The following CDH20 variants were observed in gnomAD, a reference collection of about 807,000 sequenced individuals.
CDH20 encodes cadherin-20.
In CDH20, 29 loss-of-function variants were observed where a neutral mutation model predicts 74.2. The ratio of observed to expected loss-of-function variants is 0.39; its 90% confidence interval spans 0.29 to 0.53. The LOEUF is 0.53. CDH20 is among the 20% of genes least tolerant of loss of function. The pLI is 0.69. For synonymous variants in CDH20, 469 were observed against 405.4 expected (o/e 1.16, Z -1.88); for missense variants, 988 against 1,048.3 (o/e 0.94, Z 0.79).
chr18:61,388,108 G>A (rs1911661943), intron 1 of CDH20, among the ~76,000 whole-genome samples: 1 of 152,282 alleles, frequency 6.6e-6, no homozygotes, highest in East Asian at 1.9e-4. Flanking sequence ...GAGTTCACAG[G>A]GGAAGGAGAA....
At chr18:61,500,847 C>T (rs1317787678) in intron 4 of CDH20, among the ~76,000 whole-genome samples, 3 of 152,232 alleles carry the variant, frequency 2.0e-5, no homozygotes, top group East Asian at 1.9e-4. Flanking sequence ...AGGATTGACA[C>T]ATTCACCTGG....
At chr18:61,514,405 A>AT (rs1911905886) in intron 6 of CDH20, among the ~76,000 whole-genome samples, 3 of 151,958 alleles carry the variant, frequency 2.0e-5, no homozygotes, top group Admixed American at 2.0e-4. Flanking sequence ...ATTCTTCTAA[A>AT]TTTTTTTCAA....
intron 5 of CDH20, among the ~76,000 whole-genome samples, chr18:61,504,149 C>T (rs751042883): frequency 8.5e-5 from 13 of 152,136 alleles, no homozygotes; most frequent in Non-Finnish European, 7.3e-5. Context: ...GCCATAGAAA[C>T]GTTTTTGAGC....
In CDH20 at chr18:61,463,792, C is replaced by T. The variant is rs564333446; in HGVS notation, c.-152-26610C>T. On this transcript the variant is annotated intron_variant, in intron 1 of 11. Transcript: ENST00000262717. ...GTGTCCTCACTCTGTCCAGGGGTGACGAAGATTCCAGGGCTCAGGAAGCAC... is the reference window on the plus strand; with the variant it reads ...GTGTCCTCACTCTGTCCAGGGGTGATGAAGATTCCAGGGCTCAGGAAGCAC... Among the ~76,000 whole-genome samples the T allele has an allele frequency of 1.2e-4, 18 of 152,194 alleles. No individual in the cohort carries two copies. In the South Asian group the frequency reaches 3.1e-3, roughly 26 times the overall value.
chr18:61,471,240 C>A (rs115482355), intron 1 of CDH20, among the ~76,000 whole-genome samples: 41 of 152,310 alleles, frequency 2.7e-4, no homozygotes, highest in African/African-American at 9.9e-4. Context: ...TAGGCCATAG[C>A]ACATGTTGCT....
rs1193484997 is a variant in CDH20, at chr18:61,417,234, T to A, written c.-152-73168T>A. On this transcript the variant is annotated intron_variant, in intron 1 of 11. Transcript: ENST00000262717. ...ATAGAGGTAAAATGAGGATAAAGAG[T>A]AATAAAAGACTTTGGTGCTAAATCA... Among the ~76,000 whole-genome samples the A allele has an allele frequency of 2.0e-5, 3 of 151,728 alleles. No homozygotes were observed. In the South Asian group the frequency reaches 6.2e-4, roughly 31 times the overall value.
intron 1 of CDH20, among the ~76,000 whole-genome samples, chr18:61,352,067 C>T (rs920437902): frequency 6.6e-6 from 1 of 152,178 alleles, no homozygotes; most frequent in African/African-American, 2.4e-5. Flanking sequence ...TGGAGAACAG[C>T]TTCTCGATGC....
Position 61,502,874 on chromosome 18 carries a change from G to A in CDH20, c.662-79G>A, listed in dbSNP as rs1044119087. 1.9e-5 allele frequency: 23 copies of A among 1,204,282 alleles called. No individual in the cohort carries two copies. The African/African-American group carries it at 2.7e-4, about 14-fold the overall frequency. 74.6% of individuals were successfully genotyped at this position (1,204,282 alleles called of 1,614,324 possible). ...ACTTCTAGGCATTAATGGTGCACCAGGGAGACACCTAGAAACCAATCTTTA... is the reference window on the plus strand; with the variant it reads ...ACTTCTAGGCATTAATGGTGCACCAAGGAGACACCTAGAAACCAATCTTTA... On this transcript the variant is annotated intron_variant, in intron 4 of 11. Coordinates refer to ENST00000262717, the MANE Select transcript of CDH20 (RefSeq NM_031891.4).
intron 1 of CDH20, among the ~76,000 whole-genome samples, chr18:61,435,425 A>C (rs1209058422): frequency 6.6e-6 from 1 of 152,068 alleles, no homozygotes; most frequent in Non-Finnish European, 1.5e-5. Context: ...ACCATCCAGG[A>C]TCTCCACGTC....
chr18:61,343,487 A>G (rs1249915918), intron 1 of CDH20, among the ~76,000 whole-genome samples: 4 of 152,090 alleles, frequency 2.6e-5, no homozygotes, highest in Non-Finnish European at 5.9e-5. Flanking sequence ...AGAAAGGCAG[A>G]CCCAGGATGC....
At chr18:61,400,533 T>A (rs1912122756) in intron 1 of CDH20, among the ~76,000 whole-genome samples, 1 of 152,138 alleles carries the variant, frequency 6.6e-6, no homozygotes, top group South Asian at 2.1e-4. Flanking sequence ...CAAACCTAGA[T>A]TTAAAGGAAA....
At chr18:61,452,691 T>G (rs58197359) in intron 1 of CDH20, among the ~76,000 whole-genome samples, 1,572 of 150,590 alleles carry the variant, frequency 0.01, 27 homozygotes, top group African/African-American at 0.037. Context: ...TTTGAATTAC[T>G]TGTATTTTTC....
Position 61,519,166 on chromosome 18 carries a change from G to A in CDH20, c.1018-8801G>A, listed in dbSNP as rs912597025. On this transcript the variant is annotated intron_variant, in intron 6 of 11. Coordinates refer to ENST00000262717, the MANE Select transcript of CDH20 (RefSeq NM_031891.4). ...TTTGTTTGTTGTACCTGAAAGTGAC[G>A]GGGAGAATGGAACCAAGTTGGAAAA... Among the ~76,000 whole-genome samples the A allele has an allele frequency of 5.3e-5, 8 of 151,302 alleles. No homozygotes were observed. The South Asian group carries it at 1.2e-3, about 24-fold the overall frequency.
At position 61,353,999 on chromosome 18, in the gene CDH20, T is replaced by C. The variant is rs2144118735; in HGVS notation, c.-153+20172T>C. Among the ~76,000 whole-genome samples, 1 of 149,624 alleles carries C rather than the reference T, an allele frequency of 6.7e-6. No homozygotes were observed. Among genetic ancestry groups the C allele is most frequent in the Admixed American group, 6.7e-5 (1 of 14,964 alleles). ...TTGGGAGGTTGCAAGTGAGCCAAGA[T>C]TGGGCCACACACTCAGCCTGGGTGA... On this transcript the variant is annotated intron_variant, in intron 1 of 11. Coordinates refer to ENST00000262717, the MANE Select transcript of CDH20 (RefSeq NM_031891.4). This position sits in a 1 kb window ranked among gnomAD's most constrained non-coding sequence, Gnocchi z 4.6.
Position 61,554,917 on chromosome 18 carries a change from T to C in CDH20, c.*222T>C. On this transcript the variant is annotated 3_prime_UTR_variant, in exon 12 of 12. Transcript: ENST00000262717. ...AGGGCAGAATCTTTAATTACCTTTT[T>C]TTCTTTTCTTTTTGATTTTTCTGAC... 2 of 1,372,058 alleles carry C rather than the reference T, an allele frequency of 1.5e-6. No individual in the cohort carries two copies. The highest frequency in any genetic ancestry group is 2.6e-5 in the East Asian group (1 of 39,030). The allele number at this position is 1,372,058 out of a possible 1,614,324, so 85.0% of individuals were successfully genotyped here.
intron 1 of CDH20, among the ~76,000 whole-genome samples, chr18:61,446,944 C>A (rs1317551197): frequency 6.6e-6 from 1 of 152,202 alleles, no homozygotes; most frequent in Admixed American, 6.5e-5. Flanking sequence ...TCCACGAGAG[C>A]CATGAGATTT....
intron 1 of CDH20, among the ~76,000 whole-genome samples, chr18:61,470,557 T>C (rs1910130836): frequency 6.6e-6 from 1 of 151,872 alleles, no homozygotes; most frequent in Admixed American, 6.6e-5. Flanking sequence ...TTGGCTGAGA[T>C]GCCTGCTCAT....
intron 1 of CDH20, among the ~76,000 whole-genome samples, chr18:61,352,517 A>G (rs1402674350): frequency 6.6e-6 from 1 of 152,144 alleles, no homozygotes; most frequent in African/African-American, 2.4e-5. Context: ...CATTTGTTGT[A>G]CTAATTATTA....
chr18:61,389,778 A>T (rs954634192), intron 1 of CDH20, among the ~76,000 whole-genome samples: 1 of 152,106 alleles, frequency 6.6e-6, no homozygotes, highest in African/African-American at 2.4e-5. Flanking sequence ...CACTCTTTCT[A>T]AAATTTCTAT....
Sources: allele counts gnomAD v4.1 joint callset (sites outside exome capture counted in the v4.1 genomes callset), GRCh38; gene constraint gnomAD v4.1.1; non-coding constraint Gnocchi (gnomAD v3.1); transcripts MANE v1.5; gene names NCBI Gene and HGNC (gene_info 2026-07-23, HGNC 2026-07-21).